The following RBFOX2 variants were observed in gnomAD, a reference collection of about 807,000 sequenced individuals.
RBFOX2 encodes RNA binding protein fox-1 homolog 2.
RBFOX2 carries 10 observed loss-of-function variants against 49.1 expected under a neutral mutation model. That is an observed-to-expected ratio of 0.20 (90% CI 0.13 to 0.35). The LOEUF is 0.35. RBFOX2 is among the 10% of genes least tolerant of loss of function. RBFOX2 has a pLI of 1.00. For synonymous variants in RBFOX2, 183 were observed against 187.4 expected (o/e 0.98, Z 0.19); for missense variants, 323 against 486.9 (o/e 0.66, Z 3.17).
At chr22:35,886,515 T>A (rs540591170) in intron 1 of RBFOX2, among the ~76,000 whole-genome samples, 1 of 152,168 alleles carries the variant, frequency 6.6e-6, no homozygotes, top group African/African-American at 2.4e-5. Flanking sequence ...AGAGTGTACT[T>A]ACATAAACTC....
intron 1 of RBFOX2, among the ~76,000 whole-genome samples, chr22:35,811,580 T>C (rs968817257): frequency 6.6e-6 from 1 of 152,210 alleles, no homozygotes; most frequent in Non-Finnish European, 1.5e-5. Flanking sequence ...TACTTTCTTA[T>C]GGCAGCCCTT....
At chr22:35,837,118 T>C (rs1603373866) in intron 1 of RBFOX2, among the ~76,000 whole-genome samples, 1 of 152,334 alleles carries the variant, frequency 6.6e-6, no homozygotes, top group Non-Finnish European at 1.5e-5. Context: ...TTACTTACTA[T>C]AAATGACAGA....
chr22:36,024,097 T>C (rs557858349), intron 1 of RBFOX2, among the ~76,000 whole-genome samples: 21 of 152,316 alleles, frequency 1.4e-4, no homozygotes, highest in South Asian at 4.1e-4. Context: ...TCCTTTGACA[T>C]TCAAAGTGCC....
rs927535471 is a variant in RBFOX2 at position 36,003,672 on chromosome 22, AG to A, written c.186+24567del. 6.6e-5 allele frequency among the ~76,000 whole-genome samples: 10 copies of A among 152,382 alleles called. No individual in the cohort carries two copies. The East Asian group carries it at 1.7e-3, about 26-fold the overall frequency. On this transcript the variant is annotated intron_variant, in intron 1 of 13. Coordinates refer to the RBFOX2 transcript ENST00000438146. ...ACTTTAATCAGAACAAGGATAACTA[AG>A]GGGGAAAAAACAAAAATAAACTTTA...
At chr22:36,004,964 T>G (rs1304167854) in intron 1 of RBFOX2, among the ~76,000 whole-genome samples, 1 of 152,170 alleles carries the variant, frequency 6.6e-6, no homozygotes, top group Non-Finnish European at 1.5e-5. Flanking sequence ...CACCTCTGCC[T>G]GCAGACTCCC....
chr22:35,787,740 T>C (rs551960156), intron 2 of RBFOX2, among the ~76,000 whole-genome samples: 2 of 152,334 alleles, frequency 1.3e-5, no homozygotes, highest in South Asian at 4.1e-4. Flanking sequence ...TGGTCTGCAT[T>C]ATTTTCTCTT....
At chr22:35,944,641 T>G (rs2054068745) in intron 1 of RBFOX2, among the ~76,000 whole-genome samples, 1 of 152,112 alleles carries the variant, frequency 6.6e-6, no homozygotes, top group African/African-American at 2.4e-5. Context: ...ATAACCAAAG[T>G]GAAGTTGCCC....
intron 1 of RBFOX2, among the ~76,000 whole-genome samples, chr22:35,846,112 A>G (rs1346950721): frequency 2.0e-5 from 3 of 150,496 alleles, no homozygotes; most frequent in Non-Finnish European, 3.0e-5. Flanking sequence ...ATATAATTAC[A>G]TAAACTATAT....
At chr22:35,741,437 C>T (rs1053683238) in exon 12 of RBFOX2, 3 of 152,270 alleles carry the variant, frequency 2.0e-5, no homozygotes, top group African/African-American at 7.2e-5. Context: ...CAGGAACAGA[C>T]AAGCAGTGCT....
intron 7 of RBFOX2, 25 bp downstream of exon 8, chr22:35,761,390 G>A (rs1938803413): frequency 6.2e-7 from 1 of 1,613,460 alleles, no homozygotes; most frequent in East Asian, 2.2e-5. Flanking sequence ...AATAGCACAA[G>A]TGGAAACATT....
intron 1 of RBFOX2, among the ~76,000 whole-genome samples, chr22:35,907,679 G>A (rs1445638140): frequency 2.6e-5 from 4 of 151,372 alleles, no homozygotes; most frequent in Non-Finnish European, 4.4e-5. Flanking sequence ...ACAGAGTGTC[G>A]CTCCGTCGCG....
intron 1 of RBFOX2, among the ~76,000 whole-genome samples, chr22:35,924,835 C>T (rs565287118): frequency 3.3e-5 from 5 of 152,192 alleles, no homozygotes; most frequent in Admixed American, 2.6e-4. Flanking sequence ...GTTGGTCAAA[C>T]CTTTTCACCA....
intron 1 of RBFOX2, chr22:35,996,602 C>T (rs904620593): frequency 4.1e-5 from 6 of 144,854 alleles, no homozygotes; most frequent in Non-Finnish European, 9.0e-5. Context: ...AAGAGCAAGA[C>T]TCTGTCTCAA....
chr22:35,970,493 A>C (rs2056808725), intron 1 of RBFOX2, among the ~76,000 whole-genome samples: 1 of 145,760 alleles, frequency 6.9e-6, no homozygotes, highest in Non-Finnish European at 1.5e-5. Context: ...AAAAAAAAAA[A>C]AACACACACA....
intron 1 of RBFOX2, among the ~76,000 whole-genome samples, chr22:35,847,282 T>C (rs1238566039): frequency 2.6e-5 from 4 of 152,240 alleles, no homozygotes; most frequent in Non-Finnish European, 5.9e-5. Flanking sequence ...GTACCTAAAA[T>C]ATTTTCGAAC....
intron 1 of RBFOX2, among the ~76,000 whole-genome samples, chr22:35,896,910 T>C (rs925745699): frequency 1.4e-4 from 22 of 152,332 alleles, no homozygotes; most frequent in Middle Eastern, 3.4e-3. Flanking sequence ...ATCTTGACTT[T>C]CCATAAAGTG....
chr22:35,999,237 T>C (rs2058312388), intron 1 of RBFOX2: 1 of 152,044 alleles, frequency 6.6e-6, no homozygotes, highest in African/African-American at 2.4e-5. Context: ...ATAATAATTA[T>C]GGTCTAATGG....
intron 1 of RBFOX2, among the ~76,000 whole-genome samples, chr22:36,022,372 T>C (rs771929133): frequency 2.0e-5 from 3 of 151,888 alleles, no homozygotes; most frequent in Admixed American, 6.6e-5. Context: ...GTCAGCGTGA[T>C]AGTGAAAAAA....
chr22:35,809,628 A>C, intron 2 of RBFOX2, 152 bp downstream of exon 3: 1 of 884,046 alleles, frequency 1.1e-6, no homozygotes, highest in Non-Finnish European at 1.8e-6. Context: ...AGGAGGGAGG[A>C]CAATGTATAC....
Sources: allele counts gnomAD v4.1 joint callset (sites outside exome capture counted in the v4.1 genomes callset), GRCh38; gene constraint gnomAD v4.1.1; transcripts MANE v1.5; gene names NCBI Gene and HGNC (gene_info 2026-07-23, HGNC 2026-07-21).